RIMS2: variants seen among roughly 807,000 people sequenced by gnomAD.
RIMS2 encodes regulating synaptic membrane exocytosis protein 2.
Under a neutral mutation model 174.4 loss-of-function variants are expected in RIMS2, and 59 were observed. The ratio of observed to expected loss-of-function variants is 0.34; its 90% CI spans 0.27 to 0.42. The LOEUF (loss-of-function observed/expected upper bound fraction) is 0.42. Ranked by LOEUF, RIMS2 falls within the 10% of genes least tolerant of loss-of-function variation. RIMS2 has a pLI of 1.00. For missense variants in RIMS2, 1,620 were observed against 1,666.3 expected (o/e 0.97, Z 0.48); for synonymous variants, 606 against 572.5 (o/e 1.06, Z -0.84).
chr8:103,863,110 A>G (rs1033232259), intron 3 of RIMS2, among the ~76,000 whole-genome samples: 11 of 152,142 alleles, frequency 7.2e-5, no homozygotes, highest in Admixed American at 7.2e-4. Flanking sequence ...TTTGTCATAA[A>G]TAGCTCTTAT....
intron 1 of RIMS2, among the ~76,000 whole-genome samples, chr8:103,650,527 C>G (rs1240023031): frequency 1.3e-5 from 2 of 152,224 alleles, no homozygotes; most frequent in Non-Finnish European, 2.9e-5. Context: ...GCTGAGTCTA[C>G]TGAACTGCAG....
intron 1 of RIMS2, among the ~76,000 whole-genome samples, chr8:103,532,601 T>C (rs1022970714): frequency 6.6e-6 from 1 of 152,242 alleles, no homozygotes; most frequent in Non-Finnish European, 1.5e-5. Context: ...CATTTGTTTA[T>C]GTATTGTATG....
chr8:103,546,894 T>C (rs1429396767), intron 1 of RIMS2, among the ~76,000 whole-genome samples: 1 of 152,194 alleles, frequency 6.6e-6, no homozygotes, highest in Non-Finnish European at 1.5e-5. Flanking sequence ...GGAAATGTTT[T>C]CTCAGGCTTT....
At chr8:103,540,983 C>T (rs949520546) in intron 1 of RIMS2, among the ~76,000 whole-genome samples, 1 of 119,014 alleles carries the variant, frequency 8.4e-6, no homozygotes, top group Non-Finnish European at 2.1e-5. Context: ...AAAAAAGAAA[C>T]AAAAAAGAAC....
At chr8:104,087,889 C>T (rs2097564478) in intron 19 of RIMS2, among the ~76,000 whole-genome samples, 1 of 152,024 alleles carries the variant, frequency 6.6e-6, no homozygotes, top group Non-Finnish European at 1.5e-5. Context: ...ACTGCAGACT[C>T]CTTCCTTTTG....
intron 19 of RIMS2, among the ~76,000 whole-genome samples, chr8:104,228,127 C>T (rs1328684261): frequency 6.6e-6 from 1 of 150,696 alleles, no homozygotes; most frequent in African/African-American, 2.4e-5. Flanking sequence ...CTCCCAGGTT[C>T]ACACCATTCT....
intron 1 of RIMS2, among the ~76,000 whole-genome samples, chr8:103,555,476 AAG>A (rs1849989802): frequency 6.6e-6 from 1 of 152,182 alleles, no homozygotes. Context: ...ACAAACTAGA[AAG>A]AGAACTAACA....
intron 19 of RIMS2, among the ~76,000 whole-genome samples, chr8:104,208,392 A>C (rs1030694660): frequency 6.6e-6 from 1 of 151,962 alleles, no homozygotes; most frequent in African/African-American, 2.4e-5. Flanking sequence ...ACAAGGTGAA[A>C]CCCTGTCTCT....
At chr8:103,602,037 G>A (rs2094775298) in intron 1 of RIMS2, among the ~76,000 whole-genome samples, 1 of 152,074 alleles carries the variant, frequency 6.6e-6, no homozygotes, top group Non-Finnish European at 1.5e-5. Context: ...GAGGGCTGGA[G>A]TGCAGTGGCA....
At chr8:103,500,908 C>T in exon 1 of RIMS2, 2 of 1,602,302 alleles carry the variant, frequency 1.2e-6, no homozygotes, top group Non-Finnish European at 1.7e-6. Context: ...TGTCGGGCCC[C>T]GGGGCCGCCT....
chr8:103,818,139 G>A (rs1338543136), intron 3 of RIMS2, among the ~76,000 whole-genome samples: 2 of 152,030 alleles, frequency 1.3e-5, no homozygotes. Flanking sequence ...TTGTTCTTTT[G>A]TGACATGATT....
chr8:103,691,342 C>T (rs2097022227), intron 1 of RIMS2, among the ~76,000 whole-genome samples: 1 of 152,132 alleles, frequency 6.6e-6, no homozygotes, highest in Non-Finnish European at 1.5e-5. Flanking sequence ...AGGCTATTTT[C>T]TAGATCTTGT....
At chr8:104,072,065 C>T (rs564636430) in intron 19 of RIMS2, among the ~76,000 whole-genome samples, 2 of 152,216 alleles carry the variant, frequency 1.3e-5, no homozygotes, top group Admixed American at 1.3e-4. Flanking sequence ...TTAAGTACAA[C>T]TTTTTAAGGG....
rs1376407667 is a variant in RIMS2, at chr8:103,531,685, T to C, written c.176+30623T>C. ...AAAAAATATGGAGTTCAAATTCTAA[T>C]TCAAATGCCTTTTCATATGAATTGG... On this transcript the variant is annotated intron_variant, in intron 1 of 23. Transcript: ENST00000504942. 2.0e-5 allele frequency among the ~76,000 whole-genome samples: 3 copies of C among 152,244 alleles called. No homozygotes were observed. In the East Asian group the frequency reaches 5.8e-4, roughly 29 times the overall value.
chr8:103,537,696 A>C (rs1017697721), intron 1 of RIMS2, among the ~76,000 whole-genome samples: 6 of 152,196 alleles, frequency 3.9e-5, no homozygotes, highest in Admixed American at 2.0e-4. Context: ...CAGTGAAGGG[A>C]AATTATAATA....
Position 103,662,865 on chromosome 8 carries a change from G to A in RIMS2, c.177-34221G>A, listed in dbSNP as rs533699708. ...CAGCTCTGAAGATTCTGTATCTAGC[G>A]ACTACATAAATTTTTCTGGAGCAGG... On this transcript the variant is annotated intron_variant, in intron 1 of 23. Transcript: ENST00000504942. Among the ~76,000 whole-genome samples the A allele has an allele frequency of 1.1e-3, 162 of 152,134 alleles. 4 individuals carry two copies. Among genetic ancestry groups the A allele is most frequent in the Admixed American group, 0.011 (161 of 15,278 alleles).
At chr8:104,082,593 C>T (rs1457669919) in intron 19 of RIMS2, among the ~76,000 whole-genome samples, 2 of 151,836 alleles carry the variant, frequency 1.3e-5, no homozygotes, top group African/African-American at 2.4e-5. Context: ...GATATGTATT[C>T]GGAGAAAAGA....
chr8:103,669,261 C>T (rs2096714537), intron 1 of RIMS2, among the ~76,000 whole-genome samples: 4 of 152,074 alleles, frequency 2.6e-5, no homozygotes, highest in Admixed American at 2.6e-4. Context: ...GGGAAAACTG[C>T]CCCCATGATT....
chr8:103,911,738 T>C (rs371845761), intron 5 of RIMS2, among the ~76,000 whole-genome samples: 17 of 152,208 alleles, frequency 1.1e-4, no homozygotes, highest in African/African-American at 3.9e-4. Context: ...TGTAGATAAT[T>C]AGAGTTGCAT....
Sources: allele counts gnomAD v4.1 joint callset (sites outside exome capture counted in the v4.1 genomes callset), GRCh38; gene constraint gnomAD v4.1.1; transcripts MANE v1.5; gene names NCBI Gene and HGNC (gene_info 2026-07-23, HGNC 2026-07-21).